LLPH: variants seen among roughly 807,000 people sequenced by gnomAD.
The protein encoded by LLPH is LLP homolog, long-term synaptic facilitation factor.
Under a neutral mutation model 13.3 loss-of-function variants are expected in LLPH, and 5 were observed. That is an observed-to-expected ratio of 0.38 (90% CI 0.20 to 0.79). The LOEUF is 0.79. Among genes scored for constraint, LLPH ranks in the 30% least tolerant of loss-of-function variants. The pLI is 0.45. For synonymous variants in LLPH, 32 were observed against 44.2 expected (o/e 0.72, Z 1.09); for missense variants, 129 against 152.1 (o/e 0.85, Z 0.80).
At chr12:66,125,023 C>G (rs879896410) in intron 2 of LLPH, among the ~76,000 whole-genome samples, 2 of 152,226 alleles carry the variant, frequency 1.3e-5, no homozygotes, top group African/African-American at 4.8e-5. Context: ...CGCCTGTGAA[C>G]AGCCACTATA....
chr12:66,122,951 A>G lies in LLPH; in HGVS notation c.*889T>C, dbSNP rs1038460088. 2 of 152,248 alleles carry G rather than the reference A, an allele frequency of 1.3e-5. No homozygotes were observed. Among genetic ancestry groups the G allele is most frequent in the Non-Finnish European group, 2.9e-5 (2 of 68,018 alleles). 9.4% of individuals were successfully genotyped at this position (152,248 alleles called of 1,614,324 possible). A position where few individuals can be genotyped will look rare whatever the true frequency, so the allele number is the denominator to read the frequency against. ...TTTCCTAAAAAGCATACTGATTTGT[A>G]TATGTTAATATTCTACCTAAAATTA... On this transcript the variant is annotated 3_prime_UTR_variant, in exon 3 of 3. Coordinates refer to ENST00000266604, the MANE Select transcript of LLPH (RefSeq NM_032338.4).
At chr12:66,124,438 G>T (rs1565777018) in intron 2 of LLPH, among the ~76,000 whole-genome samples, 1 of 152,180 alleles carries the variant, frequency 6.6e-6, no homozygotes, top group African/African-American at 2.4e-5. Flanking sequence ...GAACTCGATG[G>T]AGTAGTCAGC....
chr12:66,129,018 T>C lies in LLPH; in HGVS notation c.89A>G (p.Lys30Arg). Residue 30 changes from lysine (K) to arginine (R), a missense_variant, in exon 2 of 3, where the codon AAA (lysine) becomes AGA (arginine). Physicochemically the swap from Lys to Arg is conservative, Grantham distance 26. Transcript: ENST00000266604. ...KNAPKEASRL[K>R]SILKLDGDVL... ...ATCACCGTCTAGTTTGAGAATACTT[T>C]TAAGCCTGCTGGCCTCCTTTGGGGC... 1 of 1,611,608 alleles carries C rather than the reference T, an allele frequency of 6.2e-7. No homozygotes were observed. Among genetic ancestry groups the C allele is most frequent in the South Asian group, 1.1e-5 (1 of 90,988 alleles).
intron 2 of LLPH, among the ~76,000 whole-genome samples, chr12:66,126,912 C>A (rs2051500830): frequency 2.7e-5 from 4 of 149,276 alleles, no homozygotes. Flanking sequence ...GCCTGGGCAA[C>A]AGTAAGACTC....
Position 66,119,273 on chromosome 12 carries a change from G to A in LLPH, c.*4567C>T, listed in dbSNP as rs1249242392. 1 of 152,168 alleles carries A rather than the reference G, an allele frequency of 6.6e-6. No individual in the cohort carries two copies. The highest frequency in any genetic ancestry group is 6.5e-5 in the Admixed American group (1 of 15,272). 9.4% of individuals were successfully genotyped at this position (152,168 alleles called of 1,614,324 possible). ...ACGCATTCTCTAAATGTTGGCTGTT[G>A]GGTTATTTTTACTGCTTGCCTACCA... On this transcript the variant is annotated 3_prime_UTR_variant, in exon 3 of 3. Transcript: ENST00000266604.
At position 66,118,620 on chromosome 12, in the gene LLPH, C is replaced by T. The variant is rs2051444154; in HGVS notation, c.*5220G>A. The T allele has an allele frequency of 6.6e-6, 1 of 152,072 alleles. No individual in the cohort carries two copies. Among genetic ancestry groups the T allele is most frequent in the Non-Finnish European group, 1.5e-5 (1 of 68,030 alleles). 9.4% of individuals were successfully genotyped at this position (152,072 alleles called of 1,614,324 possible). Reference sequence around the variant, plus strand: ...AGTAACTTGCTTGACCAATTTGTAGCCTAGAAGCAATAGGCTATATCACAT... The same window carrying T: ...AGTAACTTGCTTGACCAATTTGTAGTCTAGAAGCAATAGGCTATATCACAT... On this transcript the variant is annotated 3_prime_UTR_variant, in exon 3 of 3. Transcript: ENST00000266604.
At chr12:66,125,441 TAAG>T (rs1354415036) in intron 2 of LLPH, among the ~76,000 whole-genome samples, 1 of 151,956 alleles carries the variant, frequency 6.6e-6, no homozygotes, top group East Asian at 1.9e-4. Flanking sequence ...AGAGTAGAAA[TAAG>T]GAAAAACATG....
rs187794947 is a variant in LLPH at position 66,117,104 on chromosome 12, T to C, written c.*6736A>G. 2.0e-5 allele frequency: 3 copies of C among 152,294 alleles called. No homozygotes were observed. The East Asian group carries it at 5.8e-4, about 29-fold the overall frequency. The allele number at this position is 152,294 out of a possible 1,614,324, so 9.4% of individuals were successfully genotyped here. On this transcript the variant is annotated 3_prime_UTR_variant, in exon 3 of 3. Coordinates refer to ENST00000266604, the MANE Select transcript of LLPH (RefSeq NM_032338.4). ...GCATTTTTTTTTGGCTGAAAAGAACTTTAACAGCTTTCAACCCAAATTCCA... is the reference window on the plus strand; with the variant it reads ...GCATTTTTTTTTGGCTGAAAAGAACCTTAACAGCTTTCAACCCAAATTCCA...
chr12:66,127,256 G>A (rs893412780), intron 2 of LLPH, among the ~76,000 whole-genome samples: 3 of 152,174 alleles, frequency 2.0e-5, no homozygotes, highest in Non-Finnish European at 4.4e-5. Context: ...CCCATAAGGG[G>A]AAAGAAATCC....
In LLPH at chr12:66,120,044, A is replaced by G. The variant is rs2051453351; in HGVS notation, c.*3796T>C. Reference sequence around the variant, plus strand: ...TACTTGATTCTACCTTAGAGCTTCAACTGCAGTTTGCATTTCTTCTCTGAT... The same window carrying G: ...TACTTGATTCTACCTTAGAGCTTCAGCTGCAGTTTGCATTTCTTCTCTGAT... On this transcript the variant is annotated 3_prime_UTR_variant, in exon 3 of 3. Transcript: ENST00000266604. 1.3e-5 allele frequency: 2 copies of G among 152,234 alleles called. No homozygotes were observed. Among genetic ancestry groups the G allele is most frequent in the African/African-American group, 4.8e-5 (2 of 41,454 alleles). The allele number at this position is 152,234 out of a possible 1,614,324, so 9.4% of individuals were successfully genotyped here. A position where few individuals can be genotyped will look rare whatever the true frequency, so the allele number is the denominator to read the frequency against.
At chr12:66,129,632 G>A (rs1211448093) in intron 1 of LLPH, among the ~76,000 whole-genome samples, 1 of 152,092 alleles carries the variant, frequency 6.6e-6, no homozygotes, top group Non-Finnish European at 1.5e-5. Context: ...TGATCCGCCC[G>A]CCTCGGCCTC....
chr12:66,129,303 C>T (rs2051518465), intron 1 of LLPH, among the ~76,000 whole-genome samples, 190 bp from the exon 2 acceptor site: 1 of 152,078 alleles, frequency 6.6e-6, no homozygotes, highest in African/African-American at 2.4e-5. Flanking sequence ...TACACAGTCA[C>T]TAAATAACAA....
chr12:66,123,655 T>C lies in LLPH; in HGVS notation c.*185A>G, dbSNP rs992268899. 1 of 607,262 alleles carries C rather than the reference T, an allele frequency of 1.6e-6. No homozygotes were observed. Among genetic ancestry groups the C allele is most frequent in the African/African-American group, 1.9e-5 (1 of 53,840 alleles). 37.6% of individuals were successfully genotyped at this position (607,262 alleles called of 1,614,324 possible). A position where few individuals can be genotyped will look rare whatever the true frequency, so the allele number is the denominator to read the frequency against. ...TAGAGCTTGGATGTATCAAAGAAAA[T>C]ATTTTATTCAAGTTCCCAAAACAAA... is the stretch of plus-strand genomic sequence containing the variant. On this transcript the variant is annotated 3_prime_UTR_variant, in exon 3 of 3. Coordinates refer to ENST00000266604, the MANE Select transcript of LLPH (RefSeq NM_032338.4).
In LLPH at chr12:66,129,078, T is replaced by G. The variant is rs1406019888; in HGVS notation, c.29A>C (p.Lys10Thr). The change falls in exon 2 of 3, where the codon AAA becomes ACA. Residue 10 changes from lysine (K) to threonine (T), a missense_variant. Lys to Thr is a moderately conservative substitution (Grantham distance 78). Coordinates refer to ENST00000266604, the MANE Select transcript of LLPH (RefSeq NM_032338.4). MAKSLRSKW[K>T]RKMRAEKRKK... is the part of the protein sequence containing the mutation. The stretch of plus-strand genomic sequence containing the variant: ...TCTCTTTTCAGCACGCATCTTTCTT[T>G]TCCACTTACTCCGTAAGCTTTTAGC... 47 of 1,612,130 alleles carry G rather than the reference T, an allele frequency of 2.9e-5. No homozygotes were observed. The highest frequency in any genetic ancestry group is 3.8e-5 in the Non-Finnish European group (45 of 1,179,040).
Position 66,128,934 on chromosome 12 carries a change from C to T in LLPH, c.173G>A (p.Cys58Tyr). 1 of 1,613,214 alleles carries T rather than the reference C, an allele frequency of 6.2e-7. No homozygotes were observed. The highest frequency in any genetic ancestry group is 8.5e-7 in the Non-Finnish European group (1 of 1,179,554). Residue 58 changes from cysteine (C) to tyrosine (Y), a missense_variant, in exon 2 of 3, where the codon TGC becomes TAC. By Grantham distance (194) the Cys-to-Tyr change is radical. Coordinates refer to ENST00000266604, the MANE Select transcript of LLPH (RefSeq NM_032338.4). ...TACCTCACATTGCATTTTCTCTTGG[C>T]AATGTTTGGGTTTGGGTACCACCAC... The part of the protein sequence containing the change: ...ATVVVPKPKH[C>Y]QEKMQCEVKD...
chr12:66,116,897 T>C lies in LLPH; in HGVS notation c.*6943A>G, dbSNP rs1457291388. The C allele has an allele frequency of 2.0e-5, 3 of 152,202 alleles. No homozygotes were observed. The highest frequency in any genetic ancestry group is 6.5e-5 in the Admixed American group (1 of 15,282). The allele number at this position is 152,202 out of a possible 1,614,324, so 9.4% of individuals were successfully genotyped here. A position where few individuals can be genotyped will look rare whatever the true frequency, so the allele number is the denominator to read the frequency against. On this transcript the variant is annotated 3_prime_UTR_variant, in exon 3 of 3. Transcript: ENST00000266604. ...TGTTTAAAGCAGATGTTTATAACAT[T>C]TTTCCATACTTTAAAGTGGAACTTA...
At chr12:66,129,146 A>G (rs771937522) in intron 1 of LLPH, 33 bp from the exon 2 acceptor site, 2 of 1,383,072 alleles carry the variant, frequency 1.4e-6, no homozygotes. Flanking sequence ...TTCAAAAGCA[A>G]ATCTTTAATA....
chr12:66,129,111 T>C lies in LLPH; in HGVS notation c.-5A>G. On this transcript the variant is annotated splice_region_variant and 5_prime_UTR_variant, in exon 2 of 3. Coordinates refer to ENST00000266604, the MANE Select transcript of LLPH (RefSeq NM_032338.4). ...ACTCCGTAAGCTTTTAGCCATGTTTTACCTGAAGTTAACAAAAACACACAT... is the reference window on the plus strand; with the variant it reads ...ACTCCGTAAGCTTTTAGCCATGTTTCACCTGAAGTTAACAAAAACACACAT... 1.9e-6 allele frequency: 3 copies of C among 1,591,398 alleles called. No homozygotes were observed. Among genetic ancestry groups the C allele is most frequent in the Non-Finnish European group, 1.7e-6 (2 of 1,166,484 alleles).
rs753779731 is a variant in LLPH, at chr12:66,123,823, T to C, written c.*17A>G. 4 of 1,610,428 alleles carry C rather than the reference T, an allele frequency of 2.5e-6. No homozygotes were observed. The highest frequency in any genetic ancestry group is 3.4e-6 in the Non-Finnish European group (4 of 1,179,344). ...CCGTCATCTATCCCATGTGGCATTT[T>C]CCAAGGTTTTAAGAGTCTACCAGGC... On this transcript the variant is annotated 3_prime_UTR_variant, in exon 3 of 3. Transcript: ENST00000266604.
Sources: allele counts gnomAD v4.1 joint callset (sites outside exome capture counted in the v4.1 genomes callset), GRCh38; gene constraint gnomAD v4.1.1; transcripts MANE v1.5; gene names NCBI Gene and HGNC (gene_info 2026-07-23, HGNC 2026-07-21).